Variants in TMBIM4 observed in about 807,000 individuals in gnomAD.
TMBIM4 encodes protein lifeguard 4.
A neutral mutation model predicts 27.7 loss-of-function variants in TMBIM4; 28 were observed. The ratio of observed to expected loss-of-function variants is 1.01; its 90% CI spans 0.75 to 1.38. The LOEUF is 1.38. Among genes scored for constraint, TMBIM4 ranks in the 40% most tolerant of loss-of-function variants. The pLI is 0.00. For missense variants in TMBIM4, 265 were observed against 277.5 expected, an observed-to-expected ratio of 0.95 and a Z score of 0.32; for synonymous variants, 115 against 113.1, an observed-to-expected ratio of 1.02 and a Z score of -0.11.
intron 1 of TMBIM4, among the ~76,000 whole-genome samples, chr12:66,164,208 G>A (rs1022391283): frequency 2.0e-5 from 3 of 152,178 alleles, no homozygotes; most frequent in Non-Finnish European, 2.9e-5. Context: ...CACGGTAGTA[G>A]TTCTATGCAA....
intron 5 of TMBIM4, among the ~76,000 whole-genome samples, chr12:66,143,538 C>G (rs2051701801): frequency 1.3e-5 from 2 of 152,154 alleles, no homozygotes; most frequent in South Asian, 4.1e-4. Context: ...TGGCACAAGG[C>G]AACTCTAGCA....
At chr12:66,167,521 A>G (rs1421210762) in intron 1 of TMBIM4, among the ~76,000 whole-genome samples, 1 of 152,244 alleles carries the variant, frequency 6.6e-6, no homozygotes, top group African/African-American at 2.4e-5. Context: ...TTAAATCATT[A>G]GAGAAATGCA....
chr12:66,153,380 A>C lies in TMBIM4; in HGVS notation c.166T>G (p.Phe56Val). 6.2e-7 allele frequency: 1 copy of C among 1,601,842 alleles called. No homozygotes were observed. Among genetic ancestry groups the C allele is most frequent in the Non-Finnish European group, 8.5e-7 (1 of 1,175,432 alleles). The change falls in exon 2 of 7, where the codon TTT becomes GTT. Residue 56 changes from phenylalanine to valine, a missense_variant. Coordinates refer to ENST00000358230, the MANE Select transcript of TMBIM4 (RefSeq NM_016056.4). ...VLLTTVTSTV[F>V]LYFESVRTFV... ...GTCCGTACAGACTCAAAGTATAAAA[A>C]AACTGTTGAAGTCACTGTAGTTAAG...
intron 4 of TMBIM4, 29 bp from the exon 5 acceptor site, chr12:66,145,987 C>A: frequency 8.4e-7 from 1 of 1,193,628 alleles, no homozygotes; most frequent in Non-Finnish European, 1.2e-6. Flanking sequence ...GATTAACATG[C>A]ATATAAACAT....
intron 5 of TMBIM4, chr12:66,144,819 G>A (rs1314979748): frequency 1.3e-5 from 2 of 152,024 alleles, no homozygotes; most frequent in Admixed American, 1.3e-4. Context: ...AGAAATATCT[G>A]GTCTCAGATC....
chr12:66,148,595 ACT>A (rs1335875230), intron 3 of TMBIM4, among the ~76,000 whole-genome samples: 4 of 152,024 alleles, frequency 2.6e-5, no homozygotes, highest in Admixed American at 1.3e-4. Flanking sequence ...ATAACTGGAT[ACT>A]CTGTGGCTAT....
rs969115858 is a variant in TMBIM4, at chr12:66,137,186, C to T, written c.*774G>A. The T allele has an allele frequency of 3.9e-5, 6 of 152,056 alleles. No homozygotes were observed. The highest frequency in any genetic ancestry group is 6.5e-5 in the Admixed American group (1 of 15,272). 9.4% of individuals were successfully genotyped at this position (152,056 alleles called of 1,614,324 possible). A position where few individuals can be genotyped will look rare whatever the true frequency, so the allele number is the denominator to read the frequency against. ...AATTCTCTGTGGAATTTATCTTTTA[C>T]ATTTTTTTCCTTTTAAGCAAAAAGA... On this transcript the variant is annotated 3_prime_UTR_variant, in exon 7 of 7. Coordinates refer to ENST00000358230, the MANE Select transcript of TMBIM4 (RefSeq NM_016056.4).
rs538781136 is a variant in TMBIM4 at position 66,154,404 on chromosome 12, A to G, written c.98-956T>C. Among the ~76,000 whole-genome samples the G allele has an allele frequency of 2.0e-5, 3 of 152,258 alleles. No individual in the cohort carries two copies. In the South Asian group the frequency reaches 6.2e-4, roughly 32 times the overall value. ...AAGCCTAATTCATTTCCTTACCCCC[A>G]CCACTCAGCCTAGTGGATGGCATTG... On this transcript the variant is annotated intron_variant, in intron 1 of 6. Coordinates refer to ENST00000358230, the MANE Select transcript of TMBIM4 (RefSeq NM_016056.4).
In TMBIM4 at chr12:66,137,850, A is replaced by G; in HGVS notation, c.*110T>C. The G allele has an allele frequency of 1.2e-6, 1 of 808,696 alleles. No individual in the cohort carries two copies. Among genetic ancestry groups the G allele is most frequent in the Non-Finnish European group, 1.9e-6 (1 of 517,030 alleles). 50.1% of individuals were successfully genotyped at this position (808,696 alleles called of 1,614,324 possible). A position where few individuals can be genotyped will look rare whatever the true frequency, so the allele number is the denominator to read the frequency against. ...GTAACAGTATTTAATCATTGTTTCAAACTTTATTACTTAATGAAACAGTTT... is the reference window on the plus strand; with the variant it reads ...GTAACAGTATTTAATCATTGTTTCAGACTTTATTACTTAATGAAACAGTTT... On this transcript the variant is annotated 3_prime_UTR_variant, in exon 7 of 7. Transcript: ENST00000358230.
chr12:66,151,075 G>A (rs1015845500), intron 3 of TMBIM4, among the ~76,000 whole-genome samples: 2 of 152,152 alleles, frequency 1.3e-5, no homozygotes, highest in Admixed American at 1.3e-4. Context: ...AAACAAAAGA[G>A]CTTAAGATTT....
intron 1 of TMBIM4, 47 bp downstream of exon 1, chr12:66,169,808 G>A: frequency 1.4e-6 from 2 of 1,407,384 alleles, no homozygotes; most frequent in Non-Finnish European, 1.9e-6. Flanking sequence ...TAGAGGCCGA[G>A]CAGTGCAGAC....
At chr12:66,160,119 C>T (rs1161915201) in intron 1 of TMBIM4, 2 of 689,106 alleles carry the variant, frequency 2.9e-6, no homozygotes, top group African/African-American at 1.8e-5. Flanking sequence ...AGTTGAGGAG[C>T]TGCAACAGAT....
intron 5 of TMBIM4, among the ~76,000 whole-genome samples, chr12:66,143,270 C>A (rs948239650): frequency 1.3e-5 from 2 of 152,032 alleles, no homozygotes; most frequent in Non-Finnish European, 2.9e-5. Context: ...TAAGATATAC[C>A]ATGGACATAG....
chr12:66,141,558 G>A (rs2051668379), intron 5 of TMBIM4, among the ~76,000 whole-genome samples: 1 of 151,224 alleles, frequency 6.6e-6, no homozygotes, highest in Admixed American at 6.6e-5. Flanking sequence ...TAAAAACCAA[G>A]ATCCAACTAT....
intron 1 of TMBIM4, among the ~76,000 whole-genome samples, chr12:66,154,603 C>T (rs770287191): frequency 6.6e-5 from 10 of 152,122 alleles, no homozygotes; most frequent in Non-Finnish European, 1.5e-4. Context: ...TGTTGAATGA[C>T]TTTTACCCAA....
chr12:66,160,370 A>G, intron 1 of TMBIM4: 1 of 595,122 alleles, frequency 1.7e-6, no homozygotes, highest in Non-Finnish European at 3.0e-6. Context: ...ACTTCCAAAA[A>G]TTTATAGTAA....
At chr12:66,153,202 CA>C in intron 2 of TMBIM4, 137 bp downstream of exon 2, 1 of 544,820 alleles carries the variant, frequency 1.8e-6, no homozygotes, top group East Asian at 3.7e-5. Context: ...CAAAACTAAT[CA>C]GGCTTATAAG....
chr12:66,162,809 CTTTA>C (rs1237775903), intron 1 of TMBIM4, among the ~76,000 whole-genome samples: 3 of 152,142 alleles, frequency 2.0e-5, no homozygotes, highest in East Asian at 3.8e-4. Flanking sequence ...AGCTTTGTCT[CTTTA>C]TTTTGTTTTC....
chr12:66,153,448 G>GTTGGCC lies in TMBIM4; in HGVS notation c.98-1_98insGGCCAA (p.Ala33delinsGlyProThr). ...AATGCTGTAGACTTTTCTCAGAAAG[G>GTTGGCC]CTAAAAGAGAAAAAAAATTACATTA... On this transcript the variant is annotated protein_altering_variant and splice_region_variant. Coordinates refer to ENST00000358230, the MANE Select transcript of TMBIM4 (RefSeq NM_016056.4). 1.3e-6 allele frequency: 2 copies of GTTGGCC among 1,529,060 alleles called. No homozygotes were observed. Among genetic ancestry groups the GTTGGCC allele is most frequent in the Non-Finnish European group, 8.9e-7 (1 of 1,128,934 alleles). 94.7% of individuals were successfully genotyped at this position (1,529,060 alleles called of 1,614,324 possible). A position where few individuals can be genotyped will look rare whatever the true frequency, so the allele number is the denominator to read the frequency against.
Sources: allele counts gnomAD v4.1 joint callset (sites outside exome capture counted in the v4.1 genomes callset), GRCh38; gene constraint gnomAD v4.1.1; transcripts MANE v1.5; gene names NCBI Gene and HGNC (gene_info 2026-07-23, HGNC 2026-07-21).